Variants in SNRK observed in about 807,000 individuals in gnomAD.
SNRK encodes the protein SNF related kinase.
A neutral mutation model predicts 48.2 loss-of-function variants in SNRK; 3 were observed. The observed-to-expected ratio is 0.06, with a 90% CI of 0.03 to 0.16. The LOEUF (loss-of-function observed/expected upper bound fraction) is 0.16. SNRK is among the 10% of genes least tolerant of loss of function. The pLI is 1.00. For synonymous variants in SNRK, 376 were observed against 366.1 expected (o/e 1.03, Z -0.31); for missense variants, 627 against 976.0 (o/e 0.64, Z 4.76).
intron 5 of SNRK, chr3:43,343,113 A>G: frequency 2.2e-6 from 1 of 450,364 alleles, no homozygotes; most frequent in East Asian, 4.4e-5. Flanking sequence ...TTTTTCTCTC[A>G]TTTACGAAAA....
intron 4 of SNRK, among the ~76,000 whole-genome samples, chr3:43,337,948 A>G (rs1055819627): frequency 6.6e-6 from 1 of 151,676 alleles, no homozygotes; most frequent in East Asian, 2.0e-4. Context: ...ACAATGTCTG[A>G]TATGTTGCCC....
chr3:43,286,938 T>TGCGGCG (rs1239381677), intron 1 of SNRK, among the ~76,000 whole-genome samples: 2 of 137,848 alleles, frequency 1.5e-5, no homozygotes, highest in African/African-American at 5.0e-5. Context: ...GAGCCGTCAC[T>TGCGGCG]GCGGCGGCGG....
At chr3:43,308,525 A>G (rs190546243) in intron 3 of SNRK, among the ~76,000 whole-genome samples, 109 of 152,352 alleles carry the variant, frequency 7.2e-4, no homozygotes, top group African/African-American at 2.5e-3. Flanking sequence ...TAAGCCAAAT[A>G]TACTCTACCT....
In SNRK at chr3:43,303,144, T is replaced by C. The variant is rs2090910891; in HGVS notation, c.-60T>C. The C allele has an allele frequency of 1.6e-6, 2 of 1,246,412 alleles. No individual in the cohort carries two copies. The highest frequency in any genetic ancestry group is 2.2e-6 in the Non-Finnish European group (2 of 891,636). The allele number at this position is 1,246,412 out of a possible 1,614,324, so 77.2% of individuals were successfully genotyped here. A position where few individuals can be genotyped will look rare whatever the true frequency, so the allele number is the denominator to read the frequency against. The stretch of plus-strand genomic sequence containing the variant: ...ATGAATTTTTTGTATTCACCAGATA[T>C]TCTTATATGAGAAGATCTATTTTAA... On this transcript the variant is annotated 5_prime_UTR_variant, in exon 3 of 7. Transcript: ENST00000296088. This position sits in a 1 kb window ranked among gnomAD's most constrained non-coding sequence, Gnocchi z 6.2.
At chr3:43,308,963 A>G (rs1461185625) in intron 3 of SNRK, among the ~76,000 whole-genome samples, 1 of 152,216 alleles carries the variant, frequency 6.6e-6, no homozygotes, top group Non-Finnish European at 1.5e-5. Flanking sequence ...AGGAGTTTGG[A>G]AGAAGTTGAT....
intron 3 of SNRK, among the ~76,000 whole-genome samples, chr3:43,306,341 A>G (rs1468060835): frequency 6.6e-6 from 1 of 152,164 alleles, no homozygotes; most frequent in Non-Finnish European, 1.5e-5. Context: ...CACAAATATT[A>G]AAATCTGTCA....
chr3:43,348,524 A>C lies in SNRK; in HGVS notation c.2265A>C (p.Ala755=), dbSNP rs374810225. 3.2e-6 allele frequency: 5 copies of C among 1,549,508 alleles called. No individual in the cohort carries two copies. The highest frequency in any genetic ancestry group is 3.5e-6 in the Non-Finnish European group (4 of 1,151,120). ...QRNPKEGLLC[A]SSPASCCHVI The stretch of plus-strand genomic sequence containing the variant: ...ACCCTAAGGAGGGGCTGCTGTGCGC[A>C]TCCAGCCCAGCCAGCTGTTGCCATG... The change falls in exon 7 of 7, where the codon GCA becomes GCC. Residue 755 remains alanine, a synonymous_variant. Transcript: ENST00000296088.
intron 4 of SNRK, among the ~76,000 whole-genome samples, chr3:43,335,914 C>T (rs969597898): frequency 6.6e-6 from 1 of 152,112 alleles, no homozygotes; most frequent in Non-Finnish European, 1.5e-5. Context: ...TAGAGTTTTT[C>T]TTTCTTTTCT....
At chr3:43,337,286 C>T (rs1204757099) in intron 4 of SNRK, among the ~76,000 whole-genome samples, 6 of 151,242 alleles carry the variant, frequency 4.0e-5, no homozygotes. Flanking sequence ...TTTGCCCAGG[C>T]TGGTCTCGAA....
At chr3:43,310,708 C>T (rs1237193846) in intron 3 of SNRK, among the ~76,000 whole-genome samples, 3 of 152,152 alleles carry the variant, frequency 2.0e-5, no homozygotes, top group Admixed American at 2.0e-4. Flanking sequence ...ATACGTTTTT[C>T]ACAGATACTT....
chr3:43,293,097 T>G (rs1252835095), intron 1 of SNRK, among the ~76,000 whole-genome samples: 2 of 152,162 alleles, frequency 1.3e-5, no homozygotes, highest in African/African-American at 2.4e-5. Context: ...ATACCTTTCT[T>G]TTCTTTTTCT....
At chr3:43,340,150 C>T in intron 4 of SNRK, 137 bp from the exon 5 acceptor site, 8 of 690,298 alleles carry the variant, frequency 1.2e-5, no homozygotes, top group Admixed American at 2.3e-5. Context: ...TTTATTATTC[C>T]CATCTGCCCC....
intron 6 of SNRK, among the ~76,000 whole-genome samples, chr3:43,344,384 GC>G (rs1433870296): frequency 6.6e-6 from 1 of 152,180 alleles, no homozygotes; most frequent in African/African-American, 2.4e-5. Flanking sequence ...GAAGAGTGCT[GC>G]TGATTCTGAG....
chr3:43,348,327 A>T lies in SNRK; in HGVS notation c.2068A>T (p.Ser690Cys), dbSNP rs1456749270. Residue 690 changes from serine to cysteine, a missense_variant, in exon 7 of 7, where the codon AGC (serine) becomes TGC (cysteine). By Grantham distance (112) the Ser-to-Cys change is moderately radical (BLOSUM62 -1). Coordinates refer to ENST00000296088, the MANE Select transcript of SNRK (RefSeq NM_017719.5). ...GAAATCTACGTGGAAAATGTGCATTAGCTCCACAGGGAATGCAGGGCAGGT... is the reference window on the plus strand; with the variant it reads ...GAAATCTACGTGGAAAATGTGCATTTGCTCCACAGGGAATGCAGGGCAGGT... ...QEKSTWKMCI[S>C]STGNAGQVPA... 1 of 1,612,478 alleles carries T rather than the reference A, an allele frequency of 6.2e-7. No individual in the cohort carries two copies. Among genetic ancestry groups the T allele is most frequent in the Non-Finnish European group, 8.5e-7 (1 of 1,179,196 alleles).
intron 4 of SNRK, chr3:43,333,358 C>CAAAA (rs33994267): frequency 1.3e-4 from 8 of 62,310 alleles, no homozygotes; most frequent in Admixed American, 2.7e-4. Context: ...GACTCTGTCT[C>CAAAA]AAAAAAAAAA....
intron 3 of SNRK, among the ~76,000 whole-genome samples, chr3:43,314,187 C>A (rs1047792173): frequency 6.6e-6 from 1 of 152,144 alleles, no homozygotes; most frequent in African/African-American, 2.4e-5. Context: ...AGCACTGATT[C>A]TTAACTTTTT....
chr3:43,326,418 G>A (rs1446290447), intron 3 of SNRK, among the ~76,000 whole-genome samples: 2 of 151,494 alleles, frequency 1.3e-5, no homozygotes, highest in Non-Finnish European at 2.9e-5. Flanking sequence ...CAGCAAACTT[G>A]TGTTGAGCAG....
chr3:43,329,512 G>A (rs145266653), intron 3 of SNRK, among the ~76,000 whole-genome samples: 2 of 152,236 alleles, frequency 1.3e-5, no homozygotes, highest in East Asian at 3.9e-4. Context: ...CTCAGTGGGA[G>A]AGTCATTTGC....
At chr3:43,317,001 G>A (rs1386160229) in intron 3 of SNRK, among the ~76,000 whole-genome samples, 1 of 152,096 alleles carries the variant, frequency 6.6e-6, no homozygotes, top group Non-Finnish European at 1.5e-5. Context: ...AACTAGAAAG[G>A]GGTTTTTCGT....
Sources: gnomAD v4.1 joint callset for allele counts (sites outside exome capture counted in the v4.1 genomes callset) on GRCh38, gnomAD v4.1.1 for gene constraint, Gnocchi (gnomAD v3.1) non-coding constraint, MANE v1.5 for transcripts, NCBI Gene and HGNC (gene_info 2026-07-23, HGNC 2026-07-21) for gene names.